The following SULT2B1 variants were observed in gnomAD, a reference collection of about 807,000 sequenced individuals.
SULT2B1 encodes the protein sulfotransferase 2B1.
SULT2B1 carries 16 observed loss-of-function variants against 33.2 expected under a neutral mutation model. The ratio of observed to expected loss-of-function variants is 0.48; its 90% CI spans 0.33 to 0.73. The LOEUF is 0.73. Among genes scored for constraint, SULT2B1 ranks in the 30% least tolerant of loss-of-function variants. SULT2B1 has a pLI of 0.02. For missense variants in SULT2B1, 500 were observed against 506.0 expected (o/e 0.99, Z 0.11); for synonymous variants, 186 against 200.5 (o/e 0.93, Z 0.61).
At chr19:48,589,984 T>G (rs1167295837) in intron 3 of SULT2B1, among the ~76,000 whole-genome samples, 1 of 151,988 alleles carries the variant, frequency 6.6e-6, no homozygotes, top group African/African-American at 2.4e-5. Context: ...TTTTCTTTCT[T>G]TTTTCTTTTT....
intron 1 of SULT2B1, among the ~76,000 whole-genome samples, chr19:48,566,839 C>CA (rs770788681): frequency 2.8e-3 from 375 of 136,256 alleles, no homozygotes; most frequent in African/African-American, 4.0e-3. Context: ...GAGACTCTGT[C>CA]AAAAAAAAAA....
chr19:48,589,161 T>C (rs1023303164), intron 3 of SULT2B1, among the ~76,000 whole-genome samples: 1 of 152,060 alleles, frequency 6.6e-6, no homozygotes, highest in Non-Finnish European at 1.5e-5. Flanking sequence ...GGACGGTGGC[T>C]GGACTAGGGT....
chr19:48,563,574 A>C (rs946455440), intron 1 of SULT2B1, among the ~76,000 whole-genome samples: 1 of 152,230 alleles, frequency 6.6e-6, no homozygotes, highest in African/African-American at 2.4e-5. Flanking sequence ...GTAAGATGAC[A>C]GTTCCAGAAC....
chr19:48,595,042 G>A (rs1432194802), intron 5 of SULT2B1, among the ~76,000 whole-genome samples: 1 of 151,882 alleles, frequency 6.6e-6, no homozygotes, highest in African/African-American at 2.4e-5. Context: ...CAGCACTTTG[G>A]GAGGCCGAAG....
intron 1 of SULT2B1, among the ~76,000 whole-genome samples, chr19:48,566,683 A>T (rs1321165687): frequency 6.6e-6 from 1 of 152,096 alleles, no homozygotes; most frequent in Non-Finnish European, 1.5e-5. Context: ...TTTTACTAAA[A>T]TATAAAAAAT....
At chr19:48,574,235 T>G (rs1437304910) in intron 1 of SULT2B1, among the ~76,000 whole-genome samples, 1 of 152,192 alleles carries the variant, frequency 6.6e-6, no homozygotes, top group Non-Finnish European at 1.5e-5. Context: ...CATAAGTGTC[T>G]TTGACTTTCC....
intron 1 of SULT2B1, among the ~76,000 whole-genome samples, chr19:48,569,361 A>AAAAATATATAT (rs1568405757): frequency 2.0e-4 from 2 of 9,968 alleles, no homozygotes; most frequent in African/African-American, 4.9e-4. Context: ...AAAAAAAAAA[A>AAAAATATATAT]ACATATATAT....
At chr19:48,590,539 T>A (rs1601110376) in intron 3 of SULT2B1, among the ~76,000 whole-genome samples, 1 of 151,862 alleles carries the variant, frequency 6.6e-6, no homozygotes, top group Admixed American at 6.6e-5. Flanking sequence ...GAGGCAGAGG[T>A]TGCAGTGAGC....
At chr19:48,563,802 T>TA (rs2147600992) in intron 1 of SULT2B1, among the ~76,000 whole-genome samples, 1 of 152,018 alleles carries the variant, frequency 6.6e-6, no homozygotes, top group African/African-American at 2.4e-5. Context: ...GCATCTCTAC[T>TA]AAAAATACAA....
chr19:48,570,685 A>C (rs1425832431), intron 1 of SULT2B1, among the ~76,000 whole-genome samples: 1 of 150,938 alleles, frequency 6.6e-6, no homozygotes, highest in Non-Finnish European at 1.5e-5. Context: ...CAGAAGGGAG[A>C]GTGACTCTGG....
chr19:48,563,501 C>G (rs1973205404), intron 1 of SULT2B1, among the ~76,000 whole-genome samples: 1 of 152,164 alleles, frequency 6.6e-6, no homozygotes, highest in Non-Finnish European at 1.5e-5. Flanking sequence ...TATACACAGA[C>G]ACGGAAAATG....
At chr19:48,555,549 C>CTCTCTCTCT (rs1555730907) in intron 1 of SULT2B1, among the ~76,000 whole-genome samples, 1 of 124,114 alleles carries the variant, frequency 8.1e-6, no homozygotes, top group African/African-American at 3.3e-5. Context: ...CCAGAGACAT[C>CTCTCTCTCT]CTCTCTCTCT....
intron 5 of SULT2B1, among the ~76,000 whole-genome samples, chr19:48,595,565 G>A (rs1044457590): frequency 6.6e-6 from 1 of 152,092 alleles, no homozygotes; most frequent in African/African-American, 2.4e-5. Flanking sequence ...AAGGCCCAGA[G>A]GGAGGAATGT....
intron 6 of SULT2B1, among the ~76,000 whole-genome samples, chr19:48,598,021 C>T (rs1266555311): frequency 6.6e-6 from 1 of 152,116 alleles, no homozygotes; most frequent in Non-Finnish European, 1.5e-5. Flanking sequence ...CTTCAGGGTC[C>T]TCTCCCCATC....
chr19:48,577,381 T>TTTTTTTTTG (rs1973428365), intron 2 of SULT2B1, among the ~76,000 whole-genome samples: 1 of 135,108 alleles, frequency 7.4e-6, no homozygotes, highest in Non-Finnish European at 1.6e-5. Context: ...TTTTTTTTTT[T>TTTTTTTTTG]TAGAGACAGA....
intron 1 of SULT2B1, among the ~76,000 whole-genome samples, chr19:48,574,884 G>A (rs2665580): frequency 0.33 from 50,403 of 151,786 alleles, 8,449 homozygotes; most frequent in East Asian, 0.41. Context: ...CACTAATTCC[G>A]CGCCCACGCT....
intron 2 of SULT2B1, among the ~76,000 whole-genome samples, chr19:48,580,101 T>C (rs932316695): frequency 1.8e-4 from 6 of 33,274 alleles, no homozygotes; most frequent in African/African-American, 6.1e-4. Flanking sequence ...TTAAAAAAAC[T>C]TTTTTTTTTT....
intron 1 of SULT2B1, among the ~76,000 whole-genome samples, chr19:48,555,550 C>CTT (rs1491220600): frequency 7.2e-5 from 1 of 13,976 alleles, no homozygotes; most frequent in Non-Finnish European, 1.2e-4. Flanking sequence ...CAGAGACATC[C>CTT]TCTCTCTCTC....
At chr19:48,598,226 G>T (rs1359272353) in intron 6 of SULT2B1, among the ~76,000 whole-genome samples, 1 of 152,144 alleles carries the variant, frequency 6.6e-6, no homozygotes, top group African/African-American at 2.4e-5. Context: ...GCAAACTACG[G>T]TCCTCTGAAT....
Sources: gnomAD v4.1 joint callset for allele counts (sites outside exome capture counted in the v4.1 genomes callset) on GRCh38, gnomAD v4.1.1 for gene constraint, MANE v1.5 for transcripts, NCBI Gene and HGNC (gene_info 2026-07-23, HGNC 2026-07-21) for gene names.